Variants in EPHA5 observed in about 807,000 individuals in gnomAD.
The protein encoded by EPHA5 is EPH receptor A5.
In EPHA5, 60 loss-of-function variants were observed where a neutral mutation model predicts 105.0. That is an observed-to-expected ratio of 0.57 (90% CI 0.46 to 0.71). The LOEUF (loss-of-function observed/expected upper bound fraction) is 0.71, where lower values mean the gene tolerates loss of function less well. Ranked by LOEUF, EPHA5 falls within the 30% of genes least tolerant of loss-of-function variation. The pLI is 0.00. For synonymous variants in EPHA5, 513 were observed against 449.1 expected (o/e 1.14, Z -1.80); for missense variants, 1,218 against 1,274.7 (o/e 0.96, Z 0.68).
chr4:65,490,474 T>G lies in EPHA5; in HGVS notation c.1305A>C (p.Thr435=), dbSNP rs1331557695. The G allele has an allele frequency of 5.0e-6, 8 of 1,614,056 alleles. No homozygotes were observed. Among genetic ancestry groups the G allele is most frequent in the Middle Eastern group, 1.6e-4 (1 of 6,084 alleles). The change falls in exon 5 of 17, where the codon ACA becomes ACC. Residue 435 remains threonine (T), a synonymous_variant. Transcript: ENST00000613740. The part of the protein sequence containing the change: ...SVMMVDLLAH[T]NYTFEIEAVN... ...CTGCCTCAATCTCAAAGGTATAGTT[T>G]GTGTGAGCGAGTAGATCCACCATCA...
chr4:65,511,449 T>C (rs1219829707), intron 3 of EPHA5, among the ~76,000 whole-genome samples: 1 of 152,178 alleles, frequency 6.6e-6, no homozygotes, highest in Non-Finnish European at 1.5e-5. Flanking sequence ...AATATATGTA[T>C]AGTAATGGTA....
At chr4:65,420,602 T>G (rs780456031) in intron 5 of EPHA5, 37 bp from the exon 6 acceptor site, 1 of 1,600,018 alleles carries the variant, frequency 6.2e-7, no homozygotes, top group Non-Finnish European at 8.5e-7. Flanking sequence ...GTATGATTAA[T>G]AAGGCCCTAA....
At position 65,531,129 on chromosome 4, in the gene EPHA5, C is replaced by T. The variant is rs991838005; in HGVS notation, c.911-35586G>A. Among the ~76,000 whole-genome samples, 14 of 151,178 alleles carry T rather than the reference C, an allele frequency of 9.3e-5. No individual in the cohort carries two copies. In the East Asian group the frequency reaches 2.7e-3, roughly 29 times the overall value. On this transcript the variant is annotated intron_variant, in intron 3 of 16. Coordinates refer to ENST00000613740, the MANE Select transcript of EPHA5 (RefSeq NM_001281766.3). Reference sequence around the variant, plus strand: ...CTCGGCTCACTGCAAGCTCCGCTTCCCGGGTTCACGCCATTCTCCTGCCTC... The same window carrying T: ...CTCGGCTCACTGCAAGCTCCGCTTCTCGGGTTCACGCCATTCTCCTGCCTC...
intron 2 of EPHA5, among the ~76,000 whole-genome samples, chr4:65,610,617 C>A (rs1198038739): frequency 1.3e-5 from 2 of 151,934 alleles, no homozygotes; most frequent in Non-Finnish European, 2.9e-5. Context: ...CAAATGCAAA[C>A]TATCAGTCAA....
intron 1 of EPHA5, among the ~76,000 whole-genome samples, chr4:65,657,239 A>G (rs1187727658): frequency 1.3e-5 from 2 of 152,164 alleles, no homozygotes; most frequent in Non-Finnish European, 2.9e-5. Context: ...TCTGCCCCCC[A>G]AGAAATTTAA....
chr4:65,467,280 T>C (rs1439177863), intron 5 of EPHA5, among the ~76,000 whole-genome samples: 1 of 152,196 alleles, frequency 6.6e-6, no homozygotes, highest in East Asian at 1.9e-4. Context: ...CCAGTCATTA[T>C]GATGATTAAA....
intron 11 of EPHA5, among the ~76,000 whole-genome samples, chr4:65,356,785 A>G (rs1159448555): frequency 6.6e-6 from 1 of 151,498 alleles, no homozygotes; most frequent in Non-Finnish European, 1.5e-5. Context: ...TGCTAATTAC[A>G]TTTAGTTTGG....
chr4:65,525,540 T>C (rs1735150094), intron 3 of EPHA5, among the ~76,000 whole-genome samples: 1 of 151,850 alleles, frequency 6.6e-6, no homozygotes, highest in South Asian at 2.1e-4. Flanking sequence ...CCCATTTAAG[T>C]AACCTACTGC....
chr4:65,436,784 T>G (rs1725521025), intron 5 of EPHA5, among the ~76,000 whole-genome samples: 1 of 152,026 alleles, frequency 6.6e-6, no homozygotes, highest in South Asian at 2.1e-4. Context: ...ATCACTAACT[T>G]GCACCTACTG....
At chr4:65,324,532 C>T (rs1489095737) in intron 16 of EPHA5, among the ~76,000 whole-genome samples, 2 of 149,870 alleles carry the variant, frequency 1.3e-5, no homozygotes, top group Non-Finnish European at 3.0e-5. Context: ...TTAACAGGTA[C>T]AATTTCATTG....
chr4:65,581,248 T>C (rs1004645760), intron 3 of EPHA5, among the ~76,000 whole-genome samples: 1 of 151,812 alleles, frequency 6.6e-6, no homozygotes, highest in Admixed American at 6.6e-5. Context: ...AGCATCTCTT[T>C]CAGATTTACT....
intron 5 of EPHA5, among the ~76,000 whole-genome samples, chr4:65,450,077 C>T (rs748269011): frequency 6.6e-6 from 1 of 152,186 alleles, no homozygotes; most frequent in Admixed American, 6.5e-5. Context: ...AAGAAAAATG[C>T]AAAAGAGTCA....
rs998175682 is a variant in EPHA5, at chr4:65,321,042, A to G, written c.*3072T>C. ...AAGAGCAACTGGTTATATTAATAGT[A>G]TATATGAGCAAATGACAAGATTAGA... On this transcript the variant is annotated 3_prime_UTR_variant, in exon 17 of 17. Transcript: ENST00000613740. 4.3e-6 allele frequency: 1 copy of G among 230,512 alleles called. No homozygotes were observed. The highest frequency in any genetic ancestry group is 8.6e-6 in the Non-Finnish European group (1 of 116,274). 14.3% of individuals were successfully genotyped at this position (230,512 alleles called of 1,614,324 possible).
intron 3 of EPHA5, among the ~76,000 whole-genome samples, chr4:65,556,117 C>T (rs913141002): frequency 9.9e-5 from 15 of 152,090 alleles, no homozygotes; most frequent in Non-Finnish European, 2.1e-4. Flanking sequence ...GATAAAATAT[C>T]AGTAGCCAGT....
At chr4:65,582,633 A>C (rs1307404938) in intron 3 of EPHA5, among the ~76,000 whole-genome samples, 11 of 151,736 alleles carry the variant, frequency 7.2e-5, no homozygotes, top group African/African-American at 2.7e-4. Context: ...TGTCTATGAA[A>C]ATAACTTGGG....
At chr4:65,648,793 C>A (rs924244952) in intron 1 of EPHA5, among the ~76,000 whole-genome samples, 6 of 152,168 alleles carry the variant, frequency 3.9e-5, no homozygotes, top group African/African-American at 7.2e-5. Context: ...GAACAAACCC[C>A]AGATATACAG....
chr4:65,416,532 A>G (rs1384181269), intron 6 of EPHA5, among the ~76,000 whole-genome samples: 5 of 152,210 alleles, frequency 3.3e-5, no homozygotes, highest in African/African-American at 1.2e-4. Flanking sequence ...ACAGTTGTAA[A>G]CACTAACTAC....
intron 2 of EPHA5, among the ~76,000 whole-genome samples, chr4:65,602,814 C>T: frequency 6.6e-6 from 1 of 152,048 alleles, no homozygotes; most frequent in Non-Finnish European, 1.5e-5. Flanking sequence ...TTAAATCTGT[C>T]ATGTCACAAA....
intron 7 of EPHA5, among the ~76,000 whole-genome samples, chr4:65,413,128 G>A (rs781551333): frequency 2.0e-5 from 3 of 151,940 alleles, no homozygotes; most frequent in South Asian, 2.1e-4. Flanking sequence ...CTAATATTAC[G>A]AGAATTTTCA....
Sources: gnomAD v4.1 joint callset for allele counts (sites outside exome capture counted in the v4.1 genomes callset) on GRCh38, gnomAD v4.1.1 for gene constraint, MANE v1.5 for transcripts, NCBI Gene and HGNC (gene_info 2026-07-23, HGNC 2026-07-21) for gene names.